LRRC37A2: variants seen among roughly 807,000 people sequenced by gnomAD.
LRRC37A2 encodes the protein leucine rich repeat containing 37 member A2.
A neutral mutation model predicts 68.8 loss-of-function variants in LRRC37A2; 9 were observed. That is an observed-to-expected ratio of 0.13 (90% CI 0.08 to 0.23). The LOEUF (loss-of-function observed/expected upper bound fraction) is 0.23. Among genes scored for constraint, LRRC37A2 ranks in the 10% least tolerant of loss-of-function variants. The pLI, the probability that LRRC37A2 is intolerant of heterozygous loss-of-function variation, is 1.00. For missense variants in LRRC37A2, 168 were observed against 950.4 expected, an observed-to-expected ratio of 0.18 and a Z score of 10.82; for synonymous variants, 63 against 367.6, an observed-to-expected ratio of 0.17 and a Z score of 9.48.
the LRRC37A2 span, among the ~76,000 whole-genome samples, chr17:46,912,608 C>T: frequency 6.6e-6 from 1 of 152,198 alleles, no homozygotes; most frequent in Non-Finnish European, 1.5e-5. Context: ...GGCAACATCC[C>T]CTCTACTTGG....
At chr17:46,528,643 C>A (rs971976197) in intron 6 of LRRC37A2, 1 of 534,632 alleles carries the variant, frequency 1.9e-6, no homozygotes. Flanking sequence ...TCACTTGACT[C>A]CAGGAGGTGG....
At chr17:46,728,950 T>A in the LRRC37A2 span, 1 of 1,425,564 alleles carries the variant, frequency 7.0e-7, no homozygotes, top group Non-Finnish European at 9.8e-7. Context: ...ATAATACTAC[T>A]AATAAGGAAT....
At chr17:46,721,427 T>TTC in the LRRC37A2 span, among the ~76,000 whole-genome samples, 3 of 152,208 alleles carry the variant, frequency 2.0e-5, no homozygotes, top group African/African-American at 7.2e-5. Context: ...TTCTTTAGCC[T>TTC]TCTCTTTCAG....
the LRRC37A2 span, among the ~76,000 whole-genome samples, chr17:46,788,735 C>T: frequency 5.5e-5 from 8 of 146,702 alleles, no homozygotes; most frequent in Non-Finnish European, 8.9e-5. Context: ...GGTGCAGTGG[C>T]CCTGCGAGGA....
At chr17:46,975,865 A>G in the LRRC37A2 span, among the ~76,000 whole-genome samples, 110,748 of 151,934 alleles carry the variant, frequency 0.73, 41,213 homozygotes, top group Non-Finnish European at 0.8. Context: ...TTGACAAGGA[A>G]CTATGAAAGA....
chr17:46,505,156 TCTC>T, the LRRC37A2 span, among the ~76,000 whole-genome samples: 1 of 90,002 alleles, frequency 1.1e-5, no homozygotes, highest in African/African-American at 6.5e-5. Context: ...ATGGTCTCGA[TCTC>T]CTGACCTCGT....
At chr17:46,733,613 A>G in the LRRC37A2 span, among the ~76,000 whole-genome samples, 1 of 152,218 alleles carries the variant, frequency 6.6e-6, no homozygotes, top group East Asian at 1.9e-4. Flanking sequence ...ATACAAAATG[A>G]TAACATCTGA....
the LRRC37A2 span, among the ~76,000 whole-genome samples, chr17:46,992,482 C>T: frequency 6.6e-6 from 1 of 152,182 alleles, no homozygotes. Flanking sequence ...TTAAATTTGA[C>T]TCTAGGGGTG....
the LRRC37A2 span, among the ~76,000 whole-genome samples, chr17:46,806,199 T>A: frequency 1.4e-5 from 2 of 140,958 alleles, no homozygotes; most frequent in Admixed American, 1.6e-4. Context: ...TTTTTTCTTT[T>A]TCTTTTCCTT....
At chr17:46,776,837 C>T in the LRRC37A2 span, among the ~76,000 whole-genome samples, 1 of 152,258 alleles carries the variant, frequency 6.6e-6, no homozygotes, top group Non-Finnish European at 1.5e-5. Flanking sequence ...AGAGCTGAGG[C>T]GGGAGTGAGA....
the LRRC37A2 span, chr17:46,964,621 G>C: frequency 6.6e-6 from 1 of 152,232 alleles, no homozygotes; most frequent in South Asian, 2.1e-4. Context: ...CAGCCTCCTC[G>C]ATTTGGATGG....
At chr17:46,631,103 C>CACAG in the LRRC37A2 span, among the ~76,000 whole-genome samples, 1 of 146,136 alleles carries the variant, frequency 6.8e-6, no homozygotes, top group Non-Finnish European at 1.5e-5. Context: ...CACACACACA[C>CACAG]ACATCTTTTA....
the LRRC37A2 span, chr17:46,939,528 C>T: frequency 4.5e-5 from 44 of 985,458 alleles, no homozygotes; most frequent in Admixed American, 6.1e-5. Context: ...TTGGCACCTG[C>T]GCCCAGGCTT....
the LRRC37A2 span, among the ~76,000 whole-genome samples, chr17:46,908,957 G>C: frequency 6.6e-6 from 1 of 152,248 alleles, no homozygotes; most frequent in Non-Finnish European, 1.5e-5. Context: ...CAGGCTGGGA[G>C]AGGTGGGTCT....
the LRRC37A2 span, among the ~76,000 whole-genome samples, chr17:46,691,776 G>A: frequency 1.1e-4 from 17 of 151,152 alleles, no homozygotes; most frequent in Non-Finnish European, 2.1e-4. Context: ...TTTTTGAGAC[G>A]GAGTCTCACT....
the LRRC37A2 span, chr17:47,018,154 C>T: frequency 6.3e-7 from 1 of 1,590,178 alleles, no homozygotes. Context: ...TCTTCCCAAA[C>T]CCAGCAGGAG....
At chr17:46,891,918 C>CTTTTTTTTT in the LRRC37A2 span, among the ~76,000 whole-genome samples, 42 of 71,802 alleles carry the variant, frequency 5.8e-4, no homozygotes, top group Non-Finnish European at 7.3e-4. Flanking sequence ...CTTTTCTTTT[C>CTTTTTTTTT]TTTTTTTTTT....
the LRRC37A2 span, among the ~76,000 whole-genome samples, chr17:47,000,732 T>C: frequency 6.6e-6 from 1 of 152,138 alleles, no homozygotes; most frequent in African/African-American, 2.4e-5. Context: ...TGCTTTATAA[T>C]CGTGGGTTTC....
the LRRC37A2 span, among the ~76,000 whole-genome samples, chr17:46,739,829 G>C: frequency 9.2e-5 from 14 of 151,712 alleles, no homozygotes; most frequent in African/African-American, 3.4e-4. Flanking sequence ...CTCCCAAGTA[G>C]CTGGGACTAC....
Sources: gnomAD v4.1 joint callset for allele counts (sites outside exome capture counted in the v4.1 genomes callset) on GRCh38, gnomAD v4.1.1 for gene constraint, MANE v1.5 for transcripts, NCBI Gene and HGNC (gene_info 2026-07-23, HGNC 2026-07-21) for gene names.